HTT: variants seen among roughly 807,000 people sequenced by gnomAD.
The protein encoded by HTT is huntingtin.
A neutral mutation model predicts 362.3 loss-of-function variants in HTT; 104 were observed. The observed-to-expected ratio is 0.29, with a 90% CI of 0.24 to 0.34. HTT has a LOEUF of 0.34. Ranked by LOEUF, HTT falls within the 10% of genes least tolerant of loss-of-function variation. The probability of loss-of-function intolerance (pLI) is 1.00; values close to 1 mark genes in which losing one functional copy is unlikely to be tolerated. For synonymous variants in HTT, 1,577 were observed against 1,548.7 expected (o/e 1.02, Z -0.43); for missense variants, 3,301 against 3,928.6 (o/e 0.84, Z 4.27).
Position 3,127,435 on chromosome 4 carries a change from A to T in HTT, c.1574A>T (p.Asp525Val), listed in dbSNP as rs1487839101. ...CDLTSSATDG[D>V]EEDILSHSSS... is the part of the protein sequence containing the mutation. ...TTGACAAGCTCTGCCACTGATGGGG[A>T]TGAGGAGGATATCTTGAGCCACAGC... Residue 525 changes from aspartate (D) to valine (V), a missense_variant, in exon 12 of 67, where the codon GAT (aspartate) becomes GTT (valine). By Grantham distance (152) the Asp-to-Val change is radical (BLOSUM62 -3). Coordinates refer to ENST00000355072, the MANE Select transcript of HTT (RefSeq NM_001388492.1). The T allele has an allele frequency of 3.7e-6, 6 of 1,614,094 alleles. No individual in the cohort carries two copies. The highest frequency in any genetic ancestry group is 2.2e-5 in the East Asian group (1 of 44,876).
intron 29 of HTT, among the ~76,000 whole-genome samples, chr4:3,166,863 G>C (rs1381540129): frequency 6.6e-6 from 1 of 152,238 alleles, no homozygotes; most frequent in Non-Finnish European, 1.5e-5. Flanking sequence ...CTTTGGCTTG[G>C]AAAGGGAAGT....
chr4:3,130,537 C>T (rs1401484446), intron 14 of HTT, 114 bp downstream of exon 14: 1 of 607,772 alleles, frequency 1.6e-6, no homozygotes, highest in African/African-American at 1.9e-5. Flanking sequence ...TTTAAATTTC[C>T]CCTTTAAATA....
Position 3,220,326 on chromosome 4 carries a change from C to T in HTT, c.7369+18C>T. 6.2e-7 allele frequency: 1 copy of T among 1,604,688 alleles called. No individual in the cohort carries two copies. Among genetic ancestry groups the T allele is most frequent in the Non-Finnish European group, 8.5e-7 (1 of 1,171,992 alleles). On this transcript the variant is annotated intron_variant, in intron 53 of 66. Coordinates refer to ENST00000355072, the MANE Select transcript of HTT (RefSeq NM_001388492.1). ...CACACTAGGTACTCTTGGGGCCTCT[C>T]CTTCAGGTCACCATTGTCGGACATC...
At chr4:3,089,726 G>A (rs56742332) in intron 2 of HTT, among the ~76,000 whole-genome samples, 2,616 of 152,168 alleles carry the variant, frequency 0.017, 85 homozygotes, top group African/African-American at 0.058. Flanking sequence ...TTGTCATTTT[G>A]TCTTTTGATA....
At chr4:3,147,271 G>T (rs1426085611) in intron 25 of HTT, among the ~76,000 whole-genome samples, 1 of 152,140 alleles carries the variant, frequency 6.6e-6, no homozygotes, top group Non-Finnish European at 1.5e-5. Flanking sequence ...TATAATGTAT[G>T]GACTTCATTC....
intron 50 of HTT, 110 bp from the exon 51 acceptor site, chr4:3,215,000 T>C (rs1365011071): frequency 1.2e-6 from 1 of 808,864 alleles, no homozygotes; most frequent in African/African-American, 1.7e-5. Flanking sequence ...TCTAGGCTAG[T>C]CTGTCTATCC....
Position 3,159,188 on chromosome 4 carries a change from T to C in HTT, c.3754-1094T>C, listed in dbSNP as rs551571120. ...CTGCACTCCTCTGATTCCTTTTGTCTTCCCTGGTTTCTTGCTTTGGTTTCG... is the reference window on the plus strand; with the variant it reads ...CTGCACTCCTCTGATTCCTTTTGTCCTCCCTGGTTTCTTGCTTTGGTTTCG... On this transcript the variant is annotated intron_variant, in intron 28 of 66. Coordinates refer to ENST00000355072, the MANE Select transcript of HTT (RefSeq NM_001388492.1). Among the ~76,000 whole-genome samples the C allele has an allele frequency of 7.2e-5, 11 of 152,352 alleles. No homozygotes were observed. In the South Asian group the frequency reaches 1.7e-3, roughly 23 times the overall value.
intron 2 of HTT, among the ~76,000 whole-genome samples, chr4:3,089,224 C>T (rs116691488): frequency 9.2e-5 from 14 of 152,092 alleles, no homozygotes; most frequent in East Asian, 3.9e-4. Flanking sequence ...TATCCCATTG[C>T]GATGCCCATC....
In HTT at chr4:3,214,095, C is replaced by G. The variant is rs573397591; in HGVS notation, c.6912C>G (p.Ala2304=). Residue 2304 remains alanine, a synonymous_variant, in exon 50 of 67, where the codon GCC becomes GCG. Coordinates refer to ENST00000355072, the MANE Select transcript of HTT (RefSeq NM_001388492.1). ...VVSSTEFVTH[A]CSLIYCVHFI... ...CCTCCACAGAGTTTGTGACCCACGC[C>G]TGCTCCCTCATCTACTGTGTGCACT... is the stretch of plus-strand genomic sequence containing the variant. 2.5e-6 allele frequency: 4 copies of G among 1,593,434 alleles called. No homozygotes were observed. Among genetic ancestry groups the G allele is most frequent in the Non-Finnish European group, 3.4e-6 (4 of 1,167,788 alleles).
chr4:3,140,685 T>A, intron 22 of HTT, 29 bp downstream of exon 22: 1 of 1,603,488 alleles, frequency 6.2e-7, no homozygotes, highest in Non-Finnish European at 8.5e-7. Context: ...ATCTTCACAT[T>A]GTCGGGAAAA....
intron 49 of HTT, among the ~76,000 whole-genome samples, chr4:3,213,292 A>G (rs2110277396): frequency 6.6e-6 from 1 of 152,340 alleles, no homozygotes; most frequent in East Asian, 1.9e-4. Context: ...ACGTGGAGTC[A>G]TATGGTTTGT....
Position 3,202,120 on chromosome 4 carries a change from TTGGTGAACTGTTAGAGTCC to T in HTT, c.5577-1884_5577-1866del, listed in dbSNP as rs1719608263. Reference sequence around the variant, plus strand: ...ATTCACTCTCAATCTGTCTTACCTCTTGGTGAACTGTTAGAGTCCTGCCTATACTTTGGCGCTTGTGGGT... The same window carrying T: ...ATTCACTCTCAATCTGTCTTACCTCTTGCCTATACTTTGGCGCTTGTGGGT... On this transcript the variant is annotated intron_variant, in intron 41 of 66. Transcript: ENST00000355072. 2.6e-5 allele frequency among the ~76,000 whole-genome samples: 4 copies of T among 152,342 alleles called. No individual in the cohort carries two copies. The South Asian group carries it at 6.2e-4, about 24-fold the overall frequency.
chr4:3,215,257 A>T, intron 51 of HTT, 46 bp downstream of exon 51: 1 of 1,454,560 alleles, frequency 6.9e-7, no homozygotes, highest in Middle Eastern at 1.7e-4. Context: ...TTCCTCCAGG[A>T]CTTAAAAATC....
At chr4:3,195,494 C>G (rs1238745328) in intron 40 of HTT, among the ~76,000 whole-genome samples, 1 of 151,904 alleles carries the variant, frequency 6.6e-6, no homozygotes, top group African/African-American at 2.4e-5. Context: ...CCTTTGGCTC[C>G]CCTGTGCCAC....
At chr4:3,207,862 A>G (rs1719940988) in intron 45 of HTT, among the ~76,000 whole-genome samples, 1 of 150,758 alleles carries the variant, frequency 6.6e-6, no homozygotes, top group Admixed American at 6.6e-5. Flanking sequence ...AAATCCCTAC[A>G]TCTCCTATGT....
chr4:3,176,017 T>C (rs1174337573), intron 33 of HTT, among the ~76,000 whole-genome samples: 2 of 145,352 alleles, frequency 1.4e-5, no homozygotes, highest in African/African-American at 2.8e-5. Context: ...TTTTTGTTGT[T>C]GTTGTTTGTT....
chr4:3,205,365 C>T (rs1221889617), intron 42 of HTT, among the ~76,000 whole-genome samples: 4 of 151,996 alleles, frequency 2.6e-5, no homozygotes, highest in Admixed American at 1.3e-4. Context: ...AAAAGGAAGC[C>T]GACTCTCCAA....
At chr4:3,172,438 G>C (rs1385911287) in intron 30 of HTT, 41 bp downstream of exon 30, 1 of 1,314,824 alleles carries the variant, frequency 7.6e-7, no homozygotes, top group African/African-American at 1.4e-5. Flanking sequence ...AAGACGTTCG[G>C]GTATGACAGC....
At chr4:3,238,730 GCCCCCA>G in intron 65 of HTT, 82 bp from the exon 66 acceptor site, 1 of 1,097,040 alleles carries the variant, frequency 9.1e-7, no homozygotes, top group Non-Finnish European at 1.3e-6. Flanking sequence ...AATGCCTCTG[GCCCCCA>G]CCCCACCCCC....
Sources: gnomAD v4.1 joint callset for allele counts (sites outside exome capture counted in the v4.1 genomes callset) on GRCh38, gnomAD v4.1.1 for gene constraint, MANE v1.5 for transcripts, NCBI Gene and HGNC (gene_info 2026-07-23, HGNC 2026-07-21) for gene names.